PTH2R: variants seen among roughly 807,000 people sequenced by gnomAD.
The protein encoded by PTH2R is PTH2 receptor.
Under a neutral mutation model 60.3 loss-of-function variants are expected in PTH2R, and 59 were observed. The ratio of observed to expected loss-of-function variants is 0.98; its 90% CI spans 0.79 to 1.22. The LOEUF is 1.22. Ranked by LOEUF, PTH2R falls within the 50% of genes most tolerant of loss-of-function variation. The pLI, the probability that PTH2R is intolerant of heterozygous loss-of-function variation, is 0.00. For synonymous variants in PTH2R, 256 were observed against 243.8 expected (o/e 1.05, Z -0.47); for missense variants, 749 against 682.6 (o/e 1.10, Z -1.08).
chr2:208,388,581 C>T (rs1701051347), intron 1 of PTH2R, among the ~76,000 whole-genome samples: 1 of 152,086 alleles, frequency 6.6e-6, no homozygotes, highest in South Asian at 2.1e-4. Context: ...TATTGTAACC[C>T]CTGAAGCCTT....
At chr2:208,493,121 A>G (rs1457289374) in intron 12 of PTH2R, 143 bp from the exon 13 acceptor site, 1 of 871,094 alleles carries the variant, frequency 1.1e-6, no homozygotes, top group Non-Finnish European at 1.6e-6. Flanking sequence ...GTTGAGAGAA[A>G]GTCATAGATA....
chr2:208,383,584 T>A (rs1300696444), intron 1 of PTH2R, among the ~76,000 whole-genome samples: 1 of 152,256 alleles, frequency 6.6e-6, no homozygotes, highest in East Asian at 1.9e-4. Context: ...TCTGGCCATA[T>A]TATGCAGCAA....
chr2:208,368,981 T>A (rs535566596), intron 1 of PTH2R, among the ~76,000 whole-genome samples: 2 of 152,324 alleles, frequency 1.3e-5, no homozygotes, highest in East Asian at 3.9e-4. Context: ...TTACTTGGAT[T>A]ATAACTAAGT....
At chr2:208,433,271 T>C (rs916401532) in intron 2 of PTH2R, among the ~76,000 whole-genome samples, 4 of 152,254 alleles carry the variant, frequency 2.6e-5, no homozygotes, top group Non-Finnish European at 4.4e-5. Context: ...GATCTTTTTC[T>C]ATGCAAATAA....
chr2:208,462,730 A>G (rs1300069630), intron 9 of PTH2R, among the ~76,000 whole-genome samples: 3 of 152,222 alleles, frequency 2.0e-5, no homozygotes, highest in Admixed American at 2.0e-4. Flanking sequence ...ATCATGAGCA[A>G]AGGTGGTAGT....
chr2:208,483,305 T>A (rs1703199577), intron 10 of PTH2R, among the ~76,000 whole-genome samples: 1 of 152,180 alleles, frequency 6.6e-6, no homozygotes, highest in Admixed American at 6.5e-5. Flanking sequence ...TCACATCCCA[T>A]CTGAGAAGAC....
intron 1 of PTH2R, among the ~76,000 whole-genome samples, chr2:208,365,946 ATATATATATATATATTTTTTTTTTT>A (rs1327934020): frequency 6.3e-5 from 1 of 15,928 alleles, no homozygotes; most frequent in Non-Finnish European, 1.5e-4. Context: ...ATATATATAT[ATATATATATATATATTTTTTTTTTT>A]TTTTTTTTTT....
chr2:208,490,762 TC>T, intron 12 of PTH2R, 82 bp downstream of exon 12: 1 of 1,266,382 alleles, frequency 7.9e-7, no homozygotes, highest in Non-Finnish European at 1.1e-6. Flanking sequence ...CTTTAGAATT[TC>T]CAGGATTTCC....
chr2:208,476,139 G>A (rs989584434), intron 9 of PTH2R, among the ~76,000 whole-genome samples: 3 of 152,172 alleles, frequency 2.0e-5, no homozygotes, highest in South Asian at 2.1e-4. Flanking sequence ...TATATCTAGT[G>A]CACTTTTCAA....
intron 1 of PTH2R, among the ~76,000 whole-genome samples, chr2:208,395,576 T>C (rs1701193918): frequency 6.6e-6 from 1 of 152,170 alleles, no homozygotes; most frequent in African/African-American, 2.4e-5. Context: ...ATTACTTTTC[T>C]AGGCTCTACA....
At chr2:208,434,823 C>T (rs896989338) in intron 2 of PTH2R, among the ~76,000 whole-genome samples, 2 of 152,096 alleles carry the variant, frequency 1.3e-5, no homozygotes, top group Non-Finnish European at 2.9e-5. Context: ...TCATTACATT[C>T]TGTATAAATG....
At chr2:208,422,557 A>G (rs1409483151) in intron 1 of PTH2R, among the ~76,000 whole-genome samples, 1 of 152,226 alleles carries the variant, frequency 6.6e-6, no homozygotes, top group Non-Finnish European at 1.5e-5. Flanking sequence ...AATCATATCT[A>G]AAACATTTTT....
intron 1 of PTH2R, among the ~76,000 whole-genome samples, chr2:208,381,697 A>C (rs992653857): frequency 6.6e-6 from 1 of 152,006 alleles, no homozygotes. Flanking sequence ...TGGCAGGTAG[A>C]CTCCTAAAAT....
chr2:208,444,989 A>G (rs1702262161), intron 7 of PTH2R, 102 bp downstream of exon 7: 1 of 1,199,272 alleles, frequency 8.3e-7, no homozygotes, highest in Non-Finnish European at 1.2e-6. Context: ...TCCTGAAACA[A>G]TCCCTCCCAT....
intron 11 of PTH2R, among the ~76,000 whole-genome samples, chr2:208,489,411 C>T (rs1703352877): frequency 6.6e-6 from 1 of 152,088 alleles, no homozygotes; most frequent in South Asian, 2.1e-4. Context: ...TAAGGAACAT[C>T]TTGTTGTAAA....
At chr2:208,376,774 T>G (rs1700799673) in intron 1 of PTH2R, among the ~76,000 whole-genome samples, 1 of 152,122 alleles carries the variant, frequency 6.6e-6, no homozygotes, top group Non-Finnish European at 1.5e-5. Flanking sequence ...CTCTATTCTC[T>G]GCAGCACGTC....
chr2:208,424,451 C>G (rs1224031787), intron 1 of PTH2R, among the ~76,000 whole-genome samples: 1 of 152,178 alleles, frequency 6.6e-6, no homozygotes, highest in Non-Finnish European at 1.5e-5. Context: ...CATTATCCAG[C>G]AAATCATGTG....
At chr2:208,440,621 C>T (rs1702163290) in intron 4 of PTH2R, among the ~76,000 whole-genome samples, 1 of 152,038 alleles carries the variant, frequency 6.6e-6, no homozygotes, top group African/African-American at 2.4e-5. Context: ...AGAGAAGAGA[C>T]CCATGGCTGC....
chr2:208,390,026 C>T (rs1701077862), intron 1 of PTH2R, among the ~76,000 whole-genome samples: 3 of 152,162 alleles, frequency 2.0e-5, no homozygotes, highest in Non-Finnish European at 2.9e-5. Flanking sequence ...GAGCATGCCA[C>T]TCCCATTGGG....
Sources: gnomAD v4.1 joint callset for allele counts (sites outside exome capture counted in the v4.1 genomes callset) on GRCh38, gnomAD v4.1.1 for gene constraint, MANE v1.5 for transcripts, NCBI Gene and HGNC (gene_info 2026-07-23, HGNC 2026-07-21) for gene names.